ETV6: variants seen among roughly 807,000 people sequenced by gnomAD.
ETV6 encodes ETS variant transcription factor 6, also known as transcription factor ETV6.
A neutral mutation model predicts 51.1 loss-of-function variants in ETV6; 16 were observed. The observed-to-expected ratio is 0.31, with a 90% CI of 0.21 to 0.48. The LOEUF (loss-of-function observed/expected upper bound fraction) is 0.48, where lower values mean the gene tolerates loss of function less well. Ranked by LOEUF, ETV6 falls within the 20% of genes least tolerant of loss-of-function variation. The probability of loss-of-function intolerance (pLI) is 0.99; values close to 1 mark genes in which losing one functional copy is unlikely to be tolerated. For missense variants in ETV6, 458 were observed against 594.8 expected, an observed-to-expected ratio of 0.77 and a Z score of 2.39; for synonymous variants, 240 against 224.1, an observed-to-expected ratio of 1.07 and a Z score of -0.64.
chr12:11,758,396 C>A (rs999814570), intron 2 of ETV6, among the ~76,000 whole-genome samples: 1 of 152,262 alleles, frequency 6.6e-6, no homozygotes, highest in East Asian at 1.9e-4. Context: ...CATGCAGGAG[C>A]CAAGGGAAGC....
chr12:11,850,362 G>A (rs1010231640), intron 3 of ETV6, among the ~76,000 whole-genome samples: 4 of 152,132 alleles, frequency 2.6e-5, no homozygotes, highest in African/African-American at 7.2e-5. Context: ...AGGATGAGAC[G>A]TCCAGAGAAC....
At chr12:11,882,890 CA>C (rs1449197297) in intron 5 of ETV6, among the ~76,000 whole-genome samples, 3 of 152,162 alleles carry the variant, frequency 2.0e-5, no homozygotes, top group Non-Finnish European at 4.4e-5. Flanking sequence ...AGGCCTTGCC[CA>C]AAGTAAAAAA....
At chr12:11,778,101 G>C (rs1945358791) in intron 2 of ETV6, among the ~76,000 whole-genome samples, 1 of 152,194 alleles carries the variant, frequency 6.6e-6, no homozygotes, top group South Asian at 2.1e-4. Context: ...AGCAGAAAAT[G>C]CACCGGCTTT....
chr12:11,796,659 G>A (rs796197179), intron 2 of ETV6, among the ~76,000 whole-genome samples: 21 of 152,272 alleles, frequency 1.4e-4, no homozygotes, highest in East Asian at 9.6e-4. Flanking sequence ...GCGTGGGGCC[G>A]ATCAAGGACA....
chr12:11,768,193 G>A lies in ETV6; in HGVS notation c.163+15614G>A, dbSNP rs535056260. ...TGCATTATTGTTCCTCTATCTTTCCGTTTGTATTAGTAAAGAACTATTAGC... is the reference window on the plus strand; with the variant it reads ...TGCATTATTGTTCCTCTATCTTTCCATTTGTATTAGTAAAGAACTATTAGC... On this transcript the variant is annotated intron_variant, in intron 2 of 7. Coordinates refer to ENST00000396373, the MANE Select transcript of ETV6 (RefSeq NM_001987.5). 3.3e-5 allele frequency among the ~76,000 whole-genome samples: 5 copies of A among 151,252 alleles called. No homozygotes were observed. In the South Asian group the frequency reaches 1.0e-3, roughly 32 times the overall value.
chr12:11,792,649 T>C (rs1011575310), intron 2 of ETV6, among the ~76,000 whole-genome samples: 2 of 150,928 alleles, frequency 1.3e-5, no homozygotes, highest in Admixed American at 1.3e-4. Context: ...ATTGTGCCAC[T>C]GCACTTCAGC....
intron 4 of ETV6, among the ~76,000 whole-genome samples, chr12:11,856,262 G>A (rs1428435184): frequency 6.6e-6 from 1 of 152,224 alleles, no homozygotes; most frequent in East Asian, 1.9e-4. Context: ...TTTCTCTCAA[G>A]TATTATGATG....
chr12:11,730,247 C>T (rs1284489565), intron 1 of ETV6, among the ~76,000 whole-genome samples: 2 of 152,206 alleles, frequency 1.3e-5, no homozygotes, highest in Non-Finnish European at 2.9e-5. Context: ...GTCTAGGCAG[C>T]CTTTGTAGGC....
In ETV6 at chr12:11,704,775, T is replaced by TTGTGTG. The variant is rs58321366; in HGVS notation, c.34-47658_34-47653dup. 6.1e-4 allele frequency among the ~76,000 whole-genome samples: 91 copies of TTGTGTG among 149,120 alleles called. No homozygotes were observed. The East Asian group carries it at 0.014, about 23-fold the overall frequency. The stretch of plus-strand genomic sequence containing the variant: ...GGTAGGCAACCATTCTCACAGGGGT[T>TTGTGTG]TGTGTGTGTGTGTGTGTGTGTGGGA... On this transcript the variant is annotated intron_variant, in intron 1 of 7. Transcript: ENST00000396373.
chr12:11,739,740 CTA>C (rs1318472493), intron 1 of ETV6, among the ~76,000 whole-genome samples: 12 of 152,116 alleles, frequency 7.9e-5, no homozygotes, highest in African/African-American at 2.4e-5. Context: ...GTTAGGTGTC[CTA>C]TGTTATTTAG....
At chr12:11,739,086 G>C (rs1277905652) in intron 1 of ETV6, among the ~76,000 whole-genome samples, 2 of 152,210 alleles carry the variant, frequency 1.3e-5, no homozygotes, top group Admixed American at 6.5e-5. Flanking sequence ...AAGAGAGAGA[G>C]AGACAGAGAA....
At chr12:11,845,024 T>G (rs1946441015) in intron 3 of ETV6, among the ~76,000 whole-genome samples, 1 of 151,914 alleles carries the variant, frequency 6.6e-6, no homozygotes, top group African/African-American at 2.4e-5. Context: ...AGAGATGAGG[T>G]TTCACCGTGT....
Position 11,742,519 on chromosome 12 carries a change from A to G in ETV6, c.34-9931A>G, listed in dbSNP as rs567136260. 1.8e-3 allele frequency among the ~76,000 whole-genome samples: 276 copies of G among 152,348 alleles called. 1 individual carries two copies. Among genetic ancestry groups the G allele is most frequent in the African/African-American group, 6.4e-3 (267 of 41,584 alleles). On this transcript the variant is annotated intron_variant, in intron 1 of 7. Coordinates refer to ENST00000396373, the MANE Select transcript of ETV6 (RefSeq NM_001987.5). ...GGTGTGTAACACTCCTAATCAGTAT[A>G]TAAGATTGTTTGTATGTTACTTTTT...
At chr12:11,653,706 G>C (rs183438437) in intron 1 of ETV6, among the ~76,000 whole-genome samples, 1 of 152,070 alleles carries the variant, frequency 6.6e-6, no homozygotes, top group Non-Finnish European at 1.5e-5. Context: ...CCACTGGCTT[G>C]CTTGCAGAAA....
chr12:11,760,582 GT>G (rs1439354329), intron 2 of ETV6, among the ~76,000 whole-genome samples: 1 of 152,206 alleles, frequency 6.6e-6, no homozygotes, highest in Non-Finnish European at 1.5e-5. Context: ...GTTTTAGGGT[GT>G]TGAATAGCAC....
intron 2 of ETV6, among the ~76,000 whole-genome samples, chr12:11,783,086 T>A (rs192437961): frequency 6.6e-6 from 1 of 151,866 alleles, no homozygotes; most frequent in African/African-American, 2.4e-5. Flanking sequence ...AGAGAAACAT[T>A]CAAGTGATTA....
At chr12:11,780,676 G>T (rs999356679) in intron 2 of ETV6, among the ~76,000 whole-genome samples, 1 of 152,162 alleles carries the variant, frequency 6.6e-6, no homozygotes, top group Non-Finnish European at 1.5e-5. Flanking sequence ...TGGGGAATTG[G>T]TCACTCCCTT....
At chr12:11,823,522 G>C (rs569606810) in intron 2 of ETV6, among the ~76,000 whole-genome samples, 1 of 149,780 alleles carries the variant, frequency 6.7e-6, no homozygotes, top group Non-Finnish European at 1.5e-5. Context: ...GCTGGAGTGC[G>C]GTGGTACGAT....
At chr12:11,672,663 A>G (rs895914089) in intron 1 of ETV6, among the ~76,000 whole-genome samples, 7 of 152,232 alleles carry the variant, frequency 4.6e-5, no homozygotes, top group African/African-American at 1.7e-4. Flanking sequence ...CCTGTAAATC[A>G]TGCTGCTCAT....
Sources: gnomAD v4.1 joint callset for allele counts (sites outside exome capture counted in the v4.1 genomes callset) on GRCh38, gnomAD v4.1.1 for gene constraint, MANE v1.5 for transcripts, NCBI Gene and HGNC (gene_info 2026-07-23, HGNC 2026-07-21) for gene names.